PDE10A: variants seen among roughly 807,000 people sequenced by gnomAD.
PDE10A encodes phosphodiesterase 10A.
A neutral mutation model predicts 97.7 loss-of-function variants in PDE10A; 39 were observed. The observed-to-expected ratio is 0.40, with a 90% confidence interval of 0.31 to 0.52. PDE10A has a LOEUF of 0.52. Ranked by LOEUF, PDE10A falls within the 20% of genes least tolerant of loss-of-function variation. The pLI is 0.56. For synonymous variants in PDE10A, 371 were observed against 376.8 expected, an observed-to-expected ratio of 0.98 and a Z score of 0.18; for missense variants, 731 against 1,047.8, an observed-to-expected ratio of 0.70 and a Z score of 4.17.
At chr6:165,672,559 G>A (rs1004168350) in intron 1 of PDE10A, among the ~76,000 whole-genome samples, 4 of 152,232 alleles carry the variant, frequency 2.6e-5, no homozygotes, top group Non-Finnish European at 4.4e-5. Flanking sequence ...ATTCCCTCAT[G>A]TTGTGGGAGC....
Position 165,430,246 on chromosome 6 carries a change from T to C in PDE10A, c.1601+41A>G, listed in dbSNP as rs372711147. The C allele has an allele frequency of 3.0e-5, 43 of 1,418,728 alleles. No homozygotes were observed. The African/African-American group carries it at 5.7e-4, about 19-fold the overall frequency. 87.9% of individuals were successfully genotyped at this position (1,418,728 alleles called of 1,614,324 possible). A position where few individuals can be genotyped will look rare whatever the true frequency, so the allele number is the denominator to read the frequency against. ...CACAGGCTGCCCTTAATTTAAACCA[T>C]TGATTAATAAGAGCTACTATCCCTA... On this transcript the variant is annotated intron_variant, in intron 9 of 21. Transcript: ENST00000539869.
intron 2 of PDE10A, among the ~76,000 whole-genome samples, chr6:165,516,993 A>C (rs1020739571): frequency 6.6e-6 from 1 of 151,684 alleles, no homozygotes; most frequent in African/African-American, 2.4e-5. Flanking sequence ...GTACAACCTT[A>C]TATTCATCAC....
chr6:165,639,738 CAAAAA>C (rs35358593), intron 1 of PDE10A, among the ~76,000 whole-genome samples: 5 of 102,552 alleles, frequency 4.9e-5, no homozygotes, highest in African/African-American at 1.1e-4. Flanking sequence ...GACTCTGTCC[CAAAAA>C]AAAAAAAAAA....
chr6:165,845,847 G>A (rs895898004), intron 1 of PDE10A, among the ~76,000 whole-genome samples: 1 of 152,154 alleles, frequency 6.6e-6, no homozygotes, highest in Non-Finnish European at 1.5e-5. Context: ...TAATAAGATT[G>A]TAAATCTGAC....
At chr6:165,730,546 G>A (rs1210967537) in intron 1 of PDE10A, among the ~76,000 whole-genome samples, 3 of 151,472 alleles carry the variant, frequency 2.0e-5, no homozygotes, top group Non-Finnish European at 4.4e-5. Flanking sequence ...GAGGTCAGGG[G>A]TTCGAGACCA....
At chr6:165,722,881 T>C (rs201626193) in intron 1 of PDE10A, among the ~76,000 whole-genome samples, 234 of 145,786 alleles carry the variant, frequency 1.6e-3, no homozygotes, top group South Asian at 0.016. Flanking sequence ...TATATATATA[T>C]ATACACACAC....
intron 18 of PDE10A, among the ~76,000 whole-genome samples, chr6:165,352,743 T>A (rs1554243661): frequency 6.6e-6 from 1 of 151,500 alleles, no homozygotes; most frequent in Non-Finnish European, 1.5e-5. Flanking sequence ...AACACAAAAC[T>A]GTAACACAGA....
chr6:165,593,064 G>A (rs1053050390), intron 1 of PDE10A, among the ~76,000 whole-genome samples: 1 of 152,174 alleles, frequency 6.6e-6, no homozygotes, highest in African/African-American at 2.4e-5. Flanking sequence ...GTCCATCAAT[G>A]ATAGACTGGA....
In PDE10A at chr6:165,862,676, C is replaced by CTTTT. The variant is rs200141487; in HGVS notation, c.-615+124849_-615+124852dup. On this transcript the variant is annotated intron_variant, in intron 1 of 19. Transcript: ENST00000366882. ...TAGAACCTCAACAGAAGCAGTCGTC[C>CTTTT]TTTTTTTTTTTTTTTTTTTTTGAGA... Among the ~76,000 whole-genome samples the CTTTT allele has an allele frequency of 6.4e-5, 9 of 140,840 alleles. 1 individual carries two copies. Among genetic ancestry groups the CTTTT allele is most frequent in the Non-Finnish European group, 1.4e-4 (9 of 64,690 alleles). 92.4% of individuals were successfully genotyped at this position (140,840 alleles called of 152,430 possible). A position where few individuals can be genotyped will look rare whatever the true frequency, so the allele number is the denominator to read the frequency against.
chr6:165,510,103 C>T (rs1238130299), intron 2 of PDE10A, among the ~76,000 whole-genome samples: 7 of 152,016 alleles, frequency 4.6e-5, no homozygotes, highest in Non-Finnish European at 1.0e-4. Flanking sequence ...CTAAGACATT[C>T]AGTAGTATGT....
At chr6:165,464,652 C>T (rs183329053) in intron 3 of PDE10A, among the ~76,000 whole-genome samples, 1 of 152,260 alleles carries the variant, frequency 6.6e-6, no homozygotes, top group Non-Finnish European at 1.5e-5. Context: ...TCCCATAGTC[C>T]TTTCTAATCA....
At chr6:165,975,877 G>C (rs575255194) in intron 1 of PDE10A, among the ~76,000 whole-genome samples, 32 of 152,354 alleles carry the variant, frequency 2.1e-4, no homozygotes, top group African/African-American at 7.7e-4. Context: ...GATATTGCGT[G>C]TGGGTAGAGC....
At chr6:165,721,534 T>C (rs1562703487) in intron 1 of PDE10A, among the ~76,000 whole-genome samples, 1 of 152,210 alleles carries the variant, frequency 6.6e-6, no homozygotes, top group Non-Finnish European at 1.5e-5. Context: ...CGTGAGGCCA[T>C]AAGTGGTTCC....
chr6:165,709,531 G>A (rs555585045), intron 1 of PDE10A, among the ~76,000 whole-genome samples: 1 of 56,282 alleles, frequency 1.8e-5, no homozygotes, highest in Non-Finnish European at 3.3e-5. Context: ...ATGCTGCTTC[G>A]CTCTCCCTCC....
At chr6:165,862,283 A>G (rs1780925847) in intron 1 of PDE10A, among the ~76,000 whole-genome samples, 1 of 152,232 alleles carries the variant, frequency 6.6e-6, no homozygotes. Flanking sequence ...AAACGTCACA[A>G]ATTCACAGGT....
chr6:165,808,306 TC>T (rs1353192218), intron 1 of PDE10A, among the ~76,000 whole-genome samples: 1 of 152,186 alleles, frequency 6.6e-6, no homozygotes, highest in African/African-American at 2.4e-5. Context: ...CTGGTCCTCC[TC>T]CCAGAAGTCA....
At chr6:165,731,391 A>C (rs1215649379) in intron 1 of PDE10A, among the ~76,000 whole-genome samples, 3 of 152,162 alleles carry the variant, frequency 2.0e-5, no homozygotes, top group Non-Finnish European at 4.4e-5. Context: ...GAAGACGACA[A>C]CTGAACCTGA....
At chr6:165,563,516 A>C (rs1784627996) in intron 1 of PDE10A, among the ~76,000 whole-genome samples, 1 of 152,162 alleles carries the variant, frequency 6.6e-6, no homozygotes, top group Admixed American at 6.5e-5. Flanking sequence ...TAACATATAA[A>C]ATAAAAATTA....
rs1444801454 is a variant in PDE10A, at chr6:165,823,460, T to C, written c.-615+164069A>G. On this transcript the variant is annotated intron_variant, in intron 1 of 19. Coordinates refer to the PDE10A transcript ENST00000366882. ...GCTATGCATTCTTCTGGATACCGCC[T>C]GGGGCTGCTTTATAGTTAACTTTAT... 2.4e-5 allele frequency among the ~76,000 whole-genome samples: 3 copies of C among 122,796 alleles called. No homozygotes were observed. In the East Asian group the frequency reaches 7.7e-4, roughly 31 times the overall value. 80.6% of individuals were successfully genotyped at this position (122,796 alleles called of 152,430 possible).
Sources: allele counts gnomAD v4.1 joint callset (sites outside exome capture counted in the v4.1 genomes callset), GRCh38; gene constraint gnomAD v4.1.1; transcripts MANE v1.5; gene names NCBI Gene and HGNC (gene_info 2026-07-23, HGNC 2026-07-21).